ORC6: variants seen among roughly 807,000 people sequenced by gnomAD.
ORC6 encodes the protein origin recognition complex, subunit 6 homolog-like (yeast).
ORC6 carries 31 observed loss-of-function variants against 30.0 expected under a neutral mutation model. That is an observed-to-expected ratio of 1.03 (90% CI 0.78 to 1.40). The LOEUF (loss-of-function observed/expected upper bound fraction) is 1.40, where lower values mean the gene tolerates loss of function less well. ORC6 is among the 40% of genes most tolerant of loss of function. The pLI is 0.00. For synonymous variants in ORC6, 136 were observed against 111.2 expected (o/e 1.22, Z -1.40); for missense variants, 340 against 304.3 (o/e 1.12, Z -0.87).
intron 2 of ORC6, among the ~76,000 whole-genome samples, chr16:46,691,958 A>ACACACTCTCTCTCTCTCTCTCT: frequency 0.033 from 1,220 of 36,666 alleles, 47 homozygotes; most frequent in Middle Eastern, 0.06. Context: ...ACACACACAC[A>ACACACTCTCTCTCTCTCTCTCT]CTCTCTCTCT....
intron 1 of ORC6, among the ~76,000 whole-genome samples, chr16:46,690,484 T>C (rs1299967806): frequency 6.6e-6 from 1 of 152,212 alleles, no homozygotes; most frequent in Non-Finnish European, 1.5e-5. Flanking sequence ...ACAGTGGTTC[T>C]CAAAATGTGG....
At chr16:46,696,123 A>G in intron 6 of ORC6, 38 bp downstream of exon 6, 2 of 1,453,014 alleles carry the variant, frequency 1.4e-6, no homozygotes, top group Non-Finnish European at 1.9e-6. Flanking sequence ...TTGACATTTT[A>G]TGCAGTGAAC....
At chr16:46,690,070 C>A (rs1966414288) in intron 1 of ORC6, among the ~76,000 whole-genome samples, 2 of 152,218 alleles carry the variant, frequency 1.3e-5, no homozygotes, top group Admixed American at 1.3e-4. Flanking sequence ...CTACTGCAGT[C>A]GGGTTTATAG....
At chr16:46,693,904 C>T in intron 4 of ORC6, 1 of 78,650 alleles carries the variant, frequency 1.3e-5, no homozygotes, top group Non-Finnish European at 2.3e-5. Context: ...GTGTTTCTCA[C>T]AGAGGGGGAT....
chr16:46,696,629 TTTTG>T (rs547531901), intron 6 of ORC6, among the ~76,000 whole-genome samples: 7 of 152,138 alleles, frequency 4.6e-5, no homozygotes, highest in African/African-American at 1.7e-4. Flanking sequence ...TTTTTGGTTT[TTTTG>T]TTTGTTTGTT....
At chr16:46,690,770 A>G (rs1966426618) in intron 1 of ORC6, 3 of 598,450 alleles carry the variant, frequency 5.0e-6, no homozygotes, top group Non-Finnish European at 9.1e-6. Flanking sequence ...TCAAAATTTA[A>G]CTTCCTTTTG....
rs1966458215 is a variant in ORC6 at position 46,692,528 on chromosome 16, T to C, written c.342T>C (p.Ala114=). 6.2e-7 allele frequency: 1 copy of C among 1,613,580 alleles called. No homozygotes were observed. The highest frequency in any genetic ancestry group is 8.5e-7 in the Non-Finnish European group (1 of 1,179,646). The change falls in exon 3 of 7, where the codon GCT becomes GCC. Residue 114 remains alanine (A), a synonymous_variant. Transcript: ENST00000219097. ...GCTGTATAGAAGCAGTGAACATGGC[T>C]TCAAAGATACTAAAAAGGTATGGGG... ...QFSCIEAVNM[A]SKILKSYESS...
intron 6 of ORC6, among the ~76,000 whole-genome samples, chr16:46,696,614 G>A (rs373660873): frequency 5.9e-5 from 9 of 152,166 alleles, no homozygotes; most frequent in Non-Finnish European, 1.3e-4. Flanking sequence ...TACTGGCTAT[G>A]TGATTTTTTG....
At chr16:46,692,913 T>C (rs1966464067) in intron 3 of ORC6, among the ~76,000 whole-genome samples, 180 bp from the exon 4 acceptor site, 1 of 152,088 alleles carries the variant, frequency 6.6e-6, no homozygotes, top group African/African-American at 2.4e-5. Flanking sequence ...AAATTTATAC[T>C]GATAGATACA....
intron 2 of ORC6, among the ~76,000 whole-genome samples, chr16:46,691,958 A>ACACACACACACACACTCT: frequency 2.5e-4 from 9 of 36,664 alleles, no homozygotes; most frequent in Non-Finnish European, 4.6e-4. Flanking sequence ...ACACACACAC[A>ACACACACACACACACTCT]CTCTCTCTCT....
rs1489395438 is a variant in ORC6 at position 46,697,739 on chromosome 16, C to A, written c.*154C>A. Reference sequence around the variant, plus strand: ...AAAGCAGCCTACCTGGAGGCTAAGTCTGGGCAGTGGGCTGGCCCCTGGTGT... The same window carrying A: ...AAAGCAGCCTACCTGGAGGCTAAGTATGGGCAGTGGGCTGGCCCCTGGTGT... On this transcript the variant is annotated 3_prime_UTR_variant, in exon 7 of 7. Coordinates refer to ENST00000219097, the MANE Select transcript of ORC6 (RefSeq NM_014321.4). 2 of 825,526 alleles carry A rather than the reference C, an allele frequency of 2.4e-6. No homozygotes were observed. The allele number at this position is 825,526 out of a possible 1,614,324, so 51.1% of individuals were successfully genotyped here.
chr16:46,690,942 G>C, intron 1 of ORC6, 49 bp from the exon 2 acceptor site: 1 of 1,609,760 alleles, frequency 6.2e-7, no homozygotes, highest in Non-Finnish European at 8.5e-7. Flanking sequence ...CCAACGTGTT[G>C]AGCAAACTTC....
intron 3 of ORC6, 140 bp downstream of exon 3, chr16:46,692,685 T>C: frequency 1.4e-6 from 1 of 707,932 alleles, no homozygotes; most frequent in Non-Finnish European, 2.5e-6. Flanking sequence ...CTGGCCAACA[T>C]GGTGAAACCC....
rs1483034547 is a variant in ORC6 at position 46,695,609 on chromosome 16, G to A, written c.497G>A (p.Gly166Asp). 2 of 1,613,824 alleles carry A rather than the reference G, an allele frequency of 1.2e-6. No individual in the cohort carries two copies. The highest frequency in any genetic ancestry group is 1.7e-6 in the Non-Finnish European group (2 of 1,179,752). ...AAAAACAAAATGGTAGCCACATCCGGTGTAAAAAAAGCTATATTTGATCGA... is the reference window on the plus strand; with the variant it reads ...AAAAACAAAATGGTAGCCACATCCGATGTAAAAAAAGCTATATTTGATCGA... ...VDKNKMVATSGVKKAIFDRLC... is the reference protein window; with the variant it reads ...VDKNKMVATSDVKKAIFDRLC... Residue 166 changes from glycine (G) to aspartate (D), a missense_variant, in exon 5 of 7, where the codon GGT (glycine) becomes GAT (aspartate). Coordinates refer to ENST00000219097, the MANE Select transcript of ORC6 (RefSeq NM_014321.4).
At chr16:46,695,519 T>G (rs952692695) in intron 4 of ORC6, 43 bp from the exon 5 acceptor site, 13 of 1,196,844 alleles carry the variant, frequency 1.1e-5, no homozygotes, top group African/African-American at 1.5e-5. Context: ...AGAAGAAAAC[T>G]GTACAGGTCT....
chr16:46,692,742 C>T (rs1032042897), intron 3 of ORC6, among the ~76,000 whole-genome samples, 197 bp downstream of exon 3: 4 of 152,172 alleles, frequency 2.6e-5, no homozygotes, highest in African/African-American at 9.7e-5. Context: ...GCGTCATGCA[C>T]CTGTAATCCC....
rs77925976 is a variant in ORC6, at chr16:46,695,589, C to A, written c.477C>A (p.Asn159Lys). Residue 159 changes from asparagine to lysine, a missense_variant, in exon 5 of 7, where the codon AAC becomes AAA. Asn to Lys is a moderately conservative substitution (Grantham distance 94). Transcript: ENST00000219097. ...TTCTAAAGCTGAAAGTGGATAAAAACAAAATGGTAGCCACATCCGGTGTAA... is the reference window on the plus strand; with the variant it reads ...TTCTAAAGCTGAAAGTGGATAAAAAAAAAATGGTAGCCACATCCGGTGTAA... ...CKILKLKVDKNKMVATSGVKK... is the reference protein window; with the variant it reads ...CKILKLKVDKKKMVATSGVKK... The A allele has an allele frequency of 6.2e-7, 1 of 1,613,260 alleles. No individual in the cohort carries two copies. The highest frequency in any genetic ancestry group is 8.5e-7 in the Non-Finnish European group (1 of 1,179,266).
rs968177821 is a variant in ORC6 at position 46,691,079 on chromosome 16, C to CT, written c.155dup (p.Asp53GlyfsTer18). ...GGAGACCAGCAGTGCAGTCATGTGC[C>CT]TGGACCTTGCAGCTTCCTGGATGAA... On this transcript the variant is annotated frameshift_variant, in exon 2 of 7. Transcript: ENST00000219097. LOFTEE classifies it high-confidence loss of function. 2.5e-6 allele frequency: 4 copies of CT among 1,614,218 alleles called. No homozygotes were observed. Among genetic ancestry groups the CT allele is most frequent in the Non-Finnish European group, 3.4e-6 (4 of 1,180,014 alleles).
In ORC6 at chr16:46,695,638, T is replaced by C. The variant is rs1966510251; in HGVS notation, c.526T>C (p.Cys176Arg). ...GVKKAIFDRL[C>R]KQLEKIGQQV... is the part of the protein sequence containing the mutation. ...AAAAAAAGCTATATTTGATCGACTGTGTAAACAACTAGAGAAGATTGGACA... is the reference window on the plus strand; with the variant it reads ...AAAAAAAGCTATATTTGATCGACTGCGTAAACAACTAGAGAAGATTGGACA... The change falls in exon 5 of 7, where the codon TGT (cysteine) becomes CGT (arginine). Residue 176 changes from cysteine to arginine, a missense_variant. Physicochemically the swap from Cys to Arg is radical, Grantham distance 180 (BLOSUM62 -3). Transcript: ENST00000219097. 2.5e-6 allele frequency: 4 copies of C among 1,612,860 alleles called. No homozygotes were observed. Among genetic ancestry groups the C allele is most frequent in the South Asian group, 1.1e-5 (1 of 91,064 alleles).
Sources: allele counts gnomAD v4.1 joint callset (sites outside exome capture counted in the v4.1 genomes callset), GRCh38; gene constraint gnomAD v4.1.1; transcripts MANE v1.5; gene names NCBI Gene and HGNC (gene_info 2026-07-23, HGNC 2026-07-21).